The following NEGR1 variants were observed in gnomAD, a reference collection of about 807,000 sequenced individuals.
The protein encoded by NEGR1 is neuronal growth regulator 1.
Under a neutral mutation model 40.9 loss-of-function variants are expected in NEGR1, and 10 were observed. That is an observed-to-expected ratio of 0.24 (90% CI 0.15 to 0.42). The LOEUF is 0.42. Among genes scored for constraint, NEGR1 ranks in the 10% least tolerant of loss-of-function variants. NEGR1 has a pLI of 1.00. For missense variants in NEGR1, 352 were observed against 438.9 expected, an observed-to-expected ratio of 0.80 and a Z score of 1.77; for synonymous variants, 185 against 166.8, an observed-to-expected ratio of 1.11 and a Z score of -0.84.
chr1:71,832,784 G>A (rs1279152163), intron 2 of NEGR1, among the ~76,000 whole-genome samples: 1 of 151,984 alleles, frequency 6.6e-6, no homozygotes, highest in Non-Finnish European at 1.5e-5. Context: ...CAGGTGTAAA[G>A]TGCATTGCCA....
At chr1:71,688,351 T>TATAAAAA (rs1653119178) in intron 4 of NEGR1, among the ~76,000 whole-genome samples, 3 of 50,258 alleles carry the variant, frequency 6.0e-5, no homozygotes, top group African/African-American at 1.3e-4. Context: ...GATAGATAGA[T>TATAAAAA]AGATTATATA....
At chr1:71,669,869 C>T (rs1485235060) in intron 4 of NEGR1, among the ~76,000 whole-genome samples, 1 of 152,112 alleles carries the variant, frequency 6.6e-6, no homozygotes, top group East Asian at 1.9e-4. Context: ...CCAGGATGGT[C>T]TCGATCTGAC....
At chr1:72,208,340 T>C (rs912290515) in intron 1 of NEGR1, among the ~76,000 whole-genome samples, 7 of 151,768 alleles carry the variant, frequency 4.6e-5, no homozygotes, top group South Asian at 2.1e-4. Context: ...AATGCATTTC[T>C]GTCAAATTAT....
chr1:72,014,038 A>G (rs953656053), intron 1 of NEGR1, among the ~76,000 whole-genome samples: 3 of 151,366 alleles, frequency 2.0e-5, no homozygotes, highest in African/African-American at 7.3e-5. Flanking sequence ...TAGAATTTCA[A>G]AAGATTCATA....
intron 6 of NEGR1, among the ~76,000 whole-genome samples, chr1:71,590,523 C>T (rs1227767351): frequency 6.6e-6 from 1 of 151,780 alleles, no homozygotes; most frequent in Non-Finnish European, 1.5e-5. Context: ...CGTGCTTTGC[C>T]GGGTGTAGGC....
intron 1 of NEGR1, among the ~76,000 whole-genome samples, chr1:72,092,558 G>T (rs537034684): frequency 2.6e-5 from 4 of 152,222 alleles, no homozygotes; most frequent in East Asian, 1.9e-4. Flanking sequence ...CGAGTCAAAG[G>T]TAATCATGTT....
rs11308316 is a variant in NEGR1 at position 71,925,728 on chromosome 1, G to GA, written c.409+9350dup. Reference sequence around the variant, plus strand: ...TATCTTAATTATATACATGATTTGGGAAAAAAAAAAAGAAAAATTATTTCA... The same window carrying GA: ...TATCTTAATTATATACATGATTTGGGAAAAAAAAAAAAGAAAAATTATTTCA... On this transcript the variant is annotated intron_variant, in intron 2 of 6. Transcript: ENST00000357731. Among the ~76,000 whole-genome samples the GA allele has an allele frequency of 3.6e-3, 526 of 146,762 alleles. 3 individuals are homozygous for GA. Among genetic ancestry groups the GA allele is most frequent in the African/African-American group, 9.9e-3 (401 of 40,550 alleles).
At chr1:71,428,934 T>C (rs979037841) in intron 6 of NEGR1, among the ~76,000 whole-genome samples, 1 of 152,054 alleles carries the variant, frequency 6.6e-6, no homozygotes, top group African/African-American at 2.4e-5. Context: ...AAACTCCCTT[T>C]GGATTTTCTC....
intron 4 of NEGR1, among the ~76,000 whole-genome samples, chr1:71,621,097 T>A (rs1389454177): frequency 6.6e-6 from 1 of 152,010 alleles, no homozygotes; most frequent in Admixed American, 6.6e-5. Flanking sequence ...GGGCATGGAA[T>A]CATGATAAGA....
intron 1 of NEGR1, among the ~76,000 whole-genome samples, chr1:71,990,005 A>G (rs1046219028): frequency 2.6e-5 from 4 of 152,212 alleles, no homozygotes; most frequent in Admixed American, 1.3e-4. Context: ...CATGTACAAC[A>G]AGGATGCATT....
At chr1:71,807,089 G>C (rs1042538508) in intron 2 of NEGR1, among the ~76,000 whole-genome samples, 8 of 151,822 alleles carry the variant, frequency 5.3e-5, no homozygotes, top group African/African-American at 1.9e-4. Flanking sequence ...GTAGAGACAG[G>C]GTTTCACCGT....
chr1:71,568,464 C>T (rs1243465726), intron 6 of NEGR1, among the ~76,000 whole-genome samples: 1 of 152,112 alleles, frequency 6.6e-6, no homozygotes, highest in East Asian at 1.9e-4. Context: ...GGAGGTTATC[C>T]ATGTGTTCCA....
In NEGR1 at chr1:71,896,190, A is replaced by G. The variant is rs529860455; in HGVS notation, c.409+38889T>C. ...ATAGCTGGGATTACAGGTGCATGCC[A>G]CCATGCCTGGCTAATTTTTGTGTTT... On this transcript the variant is annotated intron_variant, in intron 2 of 6. Coordinates refer to ENST00000357731, the MANE Select transcript of NEGR1 (RefSeq NM_173808.3). 2.0e-5 allele frequency among the ~76,000 whole-genome samples: 3 copies of G among 152,022 alleles called. No individual in the cohort carries two copies. The South Asian group carries it at 6.2e-4, about 32-fold the overall frequency.
chr1:72,073,178 T>C (rs1474596260), intron 1 of NEGR1, among the ~76,000 whole-genome samples: 1 of 152,064 alleles, frequency 6.6e-6, no homozygotes, highest in Non-Finnish European at 1.5e-5. Context: ...CCTTCATAGT[T>C]ATTCTCATTT....
At chr1:72,163,727 C>CAGA (rs1651670303) in intron 1 of NEGR1, among the ~76,000 whole-genome samples, 1 of 76,416 alleles carries the variant, frequency 1.3e-5, no homozygotes, top group South Asian at 6.0e-4. Flanking sequence ...AGACAGATAT[C>CAGA]TAATAGATAG....
intron 6 of NEGR1, among the ~76,000 whole-genome samples, chr1:71,580,452 TATA>T (rs1246588357): frequency 2.6e-5 from 4 of 151,468 alleles, no homozygotes; most frequent in South Asian, 2.1e-4. Context: ...AAACTTAAAG[TATA>T]ATAATAATAA....
intron 1 of NEGR1, among the ~76,000 whole-genome samples, chr1:72,021,021 A>T (rs1264243501): frequency 1.3e-5 from 2 of 152,174 alleles, no homozygotes. Flanking sequence ...TTTTCCAAGA[A>T]CCACTGAAAC....
chr1:71,678,950 A>G (rs2101607858), intron 4 of NEGR1, among the ~76,000 whole-genome samples: 1 of 152,280 alleles, frequency 6.6e-6, no homozygotes, highest in South Asian at 2.1e-4. Context: ...CTAACACTCT[A>G]TCCTGAAGAA....
At chr1:71,510,561 G>A (rs1283237118) in intron 6 of NEGR1, among the ~76,000 whole-genome samples, 1 of 152,180 alleles carries the variant, frequency 6.6e-6, no homozygotes, top group African/African-American at 2.4e-5. Flanking sequence ...GCCCATAAAA[G>A]GGAAAAGTTT....
Sources: gnomAD v4.1 joint callset for allele counts (sites outside exome capture counted in the v4.1 genomes callset) on GRCh38, gnomAD v4.1.1 for gene constraint, MANE v1.5 for transcripts, NCBI Gene and HGNC (gene_info 2026-07-23, HGNC 2026-07-21) for gene names.